CLOCK: variants seen among roughly 807,000 people sequenced by gnomAD.
CLOCK encodes the protein circadian locomoter output cycles protein kaput.
In CLOCK, 43 loss-of-function variants were observed where a neutral mutation model predicts 118.4. That is an observed-to-expected ratio of 0.36 (90% CI 0.28 to 0.47). The LOEUF is 0.47. CLOCK is among the 20% of genes least tolerant of loss of function. The probability of loss-of-function intolerance (pLI) is 1.00; values close to 1 mark genes in which losing one functional copy is unlikely to be tolerated. For missense variants in CLOCK, 846 were observed against 999.9 expected, an observed-to-expected ratio of 0.85 and a Z score of 2.08; for synonymous variants, 326 against 339.2, an observed-to-expected ratio of 0.96 and a Z score of 0.43.
intron 15 of CLOCK, chr4:55,452,776 T>C (rs1432728640): frequency 4.1e-6 from 1 of 243,884 alleles, no homozygotes; most frequent in Non-Finnish European, 7.9e-6. Flanking sequence ...GTAAATTATA[T>C]TTCATAATTC....
chr4:55,430,975 A>G lies in CLOCK; in HGVS notation c.*4440T>C, dbSNP rs1327981022. On this transcript the variant is annotated 3_prime_UTR_variant, in exon 23 of 23. Coordinates refer to ENST00000513440, the MANE Select transcript of CLOCK (RefSeq NM_004898.4). The stretch of plus-strand genomic sequence containing the variant: ...CACTCCCATAAACCAACTACGGTTC[A>G]CTGGACCTAAACATTTCTCAGAAAT... 3 of 152,216 alleles carry G rather than the reference A, an allele frequency of 2.0e-5. No individual in the cohort carries two copies. The highest frequency in any genetic ancestry group is 4.4e-5 in the Non-Finnish European group (3 of 68,032). 9.4% of individuals were successfully genotyped at this position (152,216 alleles called of 1,614,324 possible). A position where few individuals can be genotyped will look rare whatever the true frequency, so the allele number is the denominator to read the frequency against.
chr4:55,515,742 T>G (rs935489343), intron 1 of CLOCK, among the ~76,000 whole-genome samples: 1 of 152,208 alleles, frequency 6.6e-6, no homozygotes, highest in African/African-American at 2.4e-5. Flanking sequence ...TTTGCTCTAC[T>G]TTTTGTAGTT....
chr4:55,473,824 T>C (rs1255325781), intron 7 of CLOCK, among the ~76,000 whole-genome samples: 1 of 152,138 alleles, frequency 6.6e-6, no homozygotes, highest in Non-Finnish European at 1.5e-5. Context: ...ATATCTGTAA[T>C]GGTGATTCGC....
At position 55,444,770 on chromosome 4, in the gene CLOCK, G is replaced by C. The variant is rs745374367; in HGVS notation, c.1555C>G (p.Gln519Glu). ...TTCAGATGTTGCATGGCTCCTAATT[G>C]AGCTGAAAACTGAAACTGAAGTACC... is the stretch of plus-strand genomic sequence containing the variant. ...QGMSQFQFSA[Q>E]LGAMQHLKDQ... The change falls in exon 19 of 23, where the codon CAA (glutamine) becomes GAA (glutamate). Residue 519 changes from glutamine (Q) to glutamate (E), a missense_variant. Transcript: ENST00000513440. 6.2e-7 allele frequency: 1 copy of C among 1,613,836 alleles called. No individual in the cohort carries two copies. The highest frequency in any genetic ancestry group is 2.2e-5 in the East Asian group (1 of 44,846).
rs769155414 is a variant in CLOCK at position 55,428,121 on chromosome 4, T to C, written c.*7294A>G. 1.3e-5 allele frequency: 2 copies of C among 152,216 alleles called. No individual in the cohort carries two copies. The highest frequency in any genetic ancestry group is 1.5e-5 in the Non-Finnish European group (1 of 68,040). The allele number at this position is 152,216 out of a possible 1,614,324, so 9.4% of individuals were successfully genotyped here. ...CAAAAACTGCTACTGCTTGGCTCTT[T>C]TGCTATAAGTTTAGGTTCTGAATAC... On this transcript the variant is annotated 3_prime_UTR_variant, in exon 23 of 23. Transcript: ENST00000513440.
In CLOCK at chr4:55,518,596, T is replaced by C. The variant is rs566702501; in HGVS notation, c.-289-8531A>G. 3.9e-5 allele frequency among the ~76,000 whole-genome samples: 6 copies of C among 152,218 alleles called. No individual in the cohort carries two copies. The South Asian group carries it at 1.2e-3, about 32-fold the overall frequency. Reference sequence around the variant, plus strand: ...AAGACATGGGGCCTTTGGATGGTGATTAGGTCATGAGGGCTCCACCCTCAT... The same window carrying C: ...AAGACATGGGGCCTTTGGATGGTGACTAGGTCATGAGGGCTCCACCCTCAT... On this transcript the variant is annotated intron_variant, in intron 1 of 22. Coordinates refer to ENST00000513440, the MANE Select transcript of CLOCK (RefSeq NM_004898.4).
At chr4:55,529,547 G>A (rs1021307) in intron 1 of CLOCK, among the ~76,000 whole-genome samples, 114,636 of 152,072 alleles carry the variant, frequency 0.75, 43,526 homozygotes, top group East Asian at 0.9. Context: ...ATAGAACAAA[G>A]TATTCTCAAA....
Position 55,442,627 on chromosome 4 carries a change from T to C in CLOCK, c.1910A>G (p.Gln637Arg). 1.2e-6 allele frequency: 2 copies of C among 1,613,114 alleles called. No individual in the cohort carries two copies. Among genetic ancestry groups the C allele is most frequent in the Non-Finnish European group, 1.7e-6 (2 of 1,179,606 alleles). ...TLQSTSTQSQ[Q>R]NVLSGHSQQT... ...CTGACTGTGCCCACTCAGTACATTT[T>C]GTTGACTCTGTTAAAAATAAAGAGA... The change falls in exon 21 of 23, where the codon CAA becomes CGA. Residue 637 changes from glutamine to arginine, a missense_variant. Gln to Arg is a conservative substitution (Grantham distance 43). Transcript: ENST00000513440.
intron 6 of CLOCK, among the ~76,000 whole-genome samples, chr4:55,478,135 T>C (rs887060981): frequency 4.5e-5 from 6 of 133,014 alleles, no homozygotes; most frequent in Non-Finnish European, 1.0e-4. Flanking sequence ...AATTTCCTTT[T>C]ACAGGTTTTT....
intron 2 of CLOCK, among the ~76,000 whole-genome samples, chr4:55,495,602 C>T (rs1326605026): frequency 1.3e-5 from 2 of 152,194 alleles, no homozygotes; most frequent in East Asian, 3.9e-4. Flanking sequence ...CCAGGATAAG[C>T]CCCTTCACTC....
chr4:55,444,487 ACTGAG>A, intron 19 of CLOCK, 141 bp downstream of exon 19: 1 of 914,682 alleles, frequency 1.1e-6, no homozygotes, highest in Non-Finnish European at 1.7e-6. Context: ...GTATAATCAT[ACTGAG>A]TAGGTAACCA....
At chr4:55,531,726 A>AAAG (rs1381860755) in intron 1 of CLOCK, among the ~76,000 whole-genome samples, 3 of 149,230 alleles carry the variant, frequency 2.0e-5, no homozygotes, top group African/African-American at 7.4e-5. Context: ...AAAAAAAAAA[A>AAAG]AAAAAGGAAT....
intron 22 of CLOCK, among the ~76,000 whole-genome samples, chr4:55,437,303 TA>T (rs1260799828): frequency 6.6e-6 from 1 of 152,174 alleles, no homozygotes; most frequent in East Asian, 1.9e-4. Context: ...AAATTGATGA[TA>T]AGTGCCCAGC....
chr4:55,448,591 CGCACGCGCGCGTGTGT>C (rs1724097564), intron 18 of CLOCK, among the ~76,000 whole-genome samples, 172 bp downstream of exon 18: 3 of 81,048 alleles, frequency 3.7e-5, no homozygotes, highest in Admixed American at 1.5e-4. Context: ...TGTGCGCGCG[CGCACGCGCGCGTGTGT>C]GTGTGTGTGT....
chr4:55,466,206 G>A (rs932854872), intron 8 of CLOCK, among the ~76,000 whole-genome samples: 1 of 152,108 alleles, frequency 6.6e-6, no homozygotes, highest in African/African-American at 2.4e-5. Context: ...TAGTGAGTGA[G>A]TTTTCCCAAG....
chr4:55,443,094 C>A (rs1265409564), intron 20 of CLOCK, among the ~76,000 whole-genome samples: 2 of 152,148 alleles, frequency 1.3e-5, no homozygotes, highest in Admixed American at 1.3e-4. Context: ...GCCTCTTGAG[C>A]AAGTCATACC....
At chr4:55,489,970 A>G (rs1249026229) in intron 2 of CLOCK, among the ~76,000 whole-genome samples, 3 of 152,210 alleles carry the variant, frequency 2.0e-5, no homozygotes, top group Admixed American at 1.3e-4. Context: ...GAAAAACAGG[A>G]GGAAAGGAAA....
At chr4:55,467,310 T>C (rs933801085) in intron 8 of CLOCK, among the ~76,000 whole-genome samples, 1 of 152,174 alleles carries the variant, frequency 6.6e-6, no homozygotes, top group African/African-American at 2.4e-5. Context: ...CAACAAATAA[T>C]CACTGAGTGA....
In CLOCK at chr4:55,442,748, G is replaced by C. The variant is rs948930738; in HGVS notation, c.1903-114C>G. 8.0e-5 allele frequency: 74 copies of C among 925,644 alleles called. 1 individual carries two copies. Among genetic ancestry groups the C allele is most frequent in the Non-Finnish European group, 7.3e-5 (43 of 588,280 alleles). 57.3% of individuals were successfully genotyped at this position (925,644 alleles called of 1,614,324 possible). ...CAATATGACAGAGAAAGAAGTGGCA[G>C]GATATATTACTCTGGGGGAAATATA... On this transcript the variant is annotated intron_variant, in intron 20 of 22. Transcript: ENST00000513440.
Sources: allele counts gnomAD v4.1 joint callset (sites outside exome capture counted in the v4.1 genomes callset), GRCh38; gene constraint gnomAD v4.1.1; transcripts MANE v1.5; gene names NCBI Gene and HGNC (gene_info 2026-07-23, HGNC 2026-07-21).